CEP120: variants seen among roughly 807,000 people sequenced by gnomAD.
CEP120 encodes centrosomal protein of 120 kDa.
Under a neutral mutation model 126.5 loss-of-function variants are expected in CEP120, and 113 were observed. The observed-to-expected ratio is 0.89, with a 90% CI of 0.77 to 1.04. The LOEUF (loss-of-function observed/expected upper bound fraction) is 1.04, where lower values mean the gene tolerates loss of function less well. Among genes scored for constraint, CEP120 ranks in the 50% least tolerant of loss-of-function variants. The pLI, the probability that CEP120 is intolerant of heterozygous loss-of-function variation, is 0.00. For missense variants in CEP120, 1,230 were observed against 1,155.7 expected (o/e 1.06, Z -0.93); for synonymous variants, 400 against 394.3 (o/e 1.01, Z -0.17).
intron 9 of CEP120, among the ~76,000 whole-genome samples, chr5:123,387,742 C>G (rs913017235): frequency 1.3e-5 from 2 of 151,934 alleles, no homozygotes; most frequent in Non-Finnish European, 2.9e-5. Flanking sequence ...TGCTAACTAC[C>G]CCAAACTAAA....
chr5:123,409,779 G>A (rs529758174), intron 4 of CEP120, among the ~76,000 whole-genome samples: 1 of 152,080 alleles, frequency 6.6e-6, no homozygotes, highest in Admixed American at 6.5e-5. Flanking sequence ...CCAATGTAGT[G>A]AAACCCTCTC....
rs868439424 is a variant in CEP120, at chr5:123,407,735, T to C, written c.463+4664A>G. Among the ~76,000 whole-genome samples the C allele has an allele frequency of 5.9e-4, 90 of 152,284 alleles. 3 individuals are homozygous for C. The highest frequency in any genetic ancestry group is 3.4e-3 in the Middle Eastern group (1 of 294). ...ATCAACTGGATGCAATGGATATCTA[T>C]AGACCACTTCAAACAACAACAGCAG... On this transcript the variant is annotated intron_variant, in intron 4 of 19. Transcript: ENST00000306467.
intron 6 of CEP120, among the ~76,000 whole-genome samples, chr5:123,391,670 AACAAAAAAAAC>A (rs1166723400): frequency 1.3e-5 from 2 of 152,200 alleles, no homozygotes; most frequent in Non-Finnish European, 2.9e-5. Flanking sequence ...CATGAATTTA[AACAAAAAAAAC>A]AAAGAAATAC....
At chr5:123,364,669 A>C in intron 17 of CEP120, 75 bp from the exon 18 acceptor site, 1 of 782,972 alleles carries the variant, frequency 1.3e-6, no homozygotes, top group Non-Finnish European at 2.0e-6. Context: ...ATATATACAA[A>C]GAGTCTGGCT....
chr5:123,399,016 C>A, intron 5 of CEP120, 120 bp downstream of exon 5: 1 of 623,740 alleles, frequency 1.6e-6, no homozygotes, highest in Non-Finnish European at 2.5e-6. Context: ...GTTTTGAACT[C>A]ATTTTTCAAA....
intron 18 of CEP120, among the ~76,000 whole-genome samples, chr5:123,353,904 T>C (rs766036073): frequency 5.3e-5 from 8 of 152,068 alleles, no homozygotes; most frequent in Non-Finnish European, 1.0e-4. Context: ...TTTGGCTTCA[T>C]TGATTTTTCT....
chr5:123,353,689 A>G (rs2126974692), intron 18 of CEP120, among the ~76,000 whole-genome samples: 1 of 151,334 alleles, frequency 6.6e-6, no homozygotes, highest in South Asian at 2.1e-4. Flanking sequence ...GACTATTTCT[A>G]TTTTCTGTTT....
chr5:123,355,971 G>A (rs1236383861), intron 18 of CEP120, among the ~76,000 whole-genome samples: 20 of 151,930 alleles, frequency 1.3e-4, no homozygotes, highest in Admixed American at 4.6e-4. Flanking sequence ...GTAAGGAAGG[G>A]ATCCAGTTTC....
At chr5:123,361,251 T>C (rs912523092) in intron 18 of CEP120, among the ~76,000 whole-genome samples, 14 of 151,862 alleles carry the variant, frequency 9.2e-5, no homozygotes, top group Non-Finnish European at 1.6e-4. Flanking sequence ...CTTTGAGATA[T>C]TTCTCCCTTA....
intron 18 of CEP120, among the ~76,000 whole-genome samples, chr5:123,353,580 C>T (rs1769357337): frequency 6.6e-6 from 1 of 151,034 alleles, no homozygotes; most frequent in South Asian, 2.1e-4. Context: ...TTATTTCTTC[C>T]TAAAATGTTT....
At chr5:123,354,960 A>G (rs1186056042) in intron 18 of CEP120, among the ~76,000 whole-genome samples, 1 of 113,980 alleles carries the variant, frequency 8.8e-6, no homozygotes, top group Non-Finnish European at 1.8e-5. Context: ...AACAGTCCCC[A>G]AAGTGTGATG....
At chr5:123,377,075 C>A (rs1771280904) in intron 16 of CEP120, among the ~76,000 whole-genome samples, 1 of 152,030 alleles carries the variant, frequency 6.6e-6, no homozygotes, top group African/African-American at 2.4e-5. Flanking sequence ...TGGATCTTAA[C>A]TAAATTTGGT....
intron 1 of CEP120, chr5:123,422,464 C>G (rs1234735604): frequency 6.6e-7 from 1 of 1,517,310 alleles, no homozygotes; most frequent in Non-Finnish European, 8.8e-7. Flanking sequence ...ATCCAAAACA[C>G]ACCTTTTAAG....
chr5:123,415,784 A>G (rs2127134921), intron 3 of CEP120, among the ~76,000 whole-genome samples: 1 of 152,050 alleles, frequency 6.6e-6, no homozygotes, highest in South Asian at 2.1e-4. Flanking sequence ...GGCAGGGAGA[A>G]TTGCTTGAAC....
At chr5:123,350,867 T>TGTGG (rs1769155811) in intron 18 of CEP120, among the ~76,000 whole-genome samples, 1 of 152,196 alleles carries the variant, frequency 6.6e-6, no homozygotes, top group Non-Finnish European at 1.5e-5. Context: ...ACATAATGGA[T>TGTGG]ATTCCATGAC....
chr5:123,409,971 C>CAAAA (rs1353891467), intron 4 of CEP120, among the ~76,000 whole-genome samples: 1 of 67,590 alleles, frequency 1.5e-5, no homozygotes, highest in African/African-American at 6.5e-5. Flanking sequence ...ACAAAACAAG[C>CAAAA]AAAAAAAAAA....
chr5:123,388,722 T>A, intron 8 of CEP120, 116 bp from the exon 9 acceptor site: 1 of 751,856 alleles, frequency 1.3e-6, no homozygotes. Context: ...TTGGGCTATT[T>A]TGTCTCATGA....
In CEP120 at chr5:123,389,911, C is replaced by CA. The variant is rs769188569; in HGVS notation, c.1255+12dup. 3 of 1,607,972 alleles carry CA rather than the reference C, an allele frequency of 1.9e-6. No homozygotes were observed. In the Admixed American group the frequency reaches 5.0e-5, roughly 27 times the overall value. ...ACCTCAAAGATCTATAAACAAACAA[C>CA]AAAAAACCTTACCTTTTGGATTTGG... On this transcript the variant is annotated intron_variant, in intron 8 of 19. Coordinates refer to ENST00000306467, the MANE Select transcript of CEP120 (RefSeq NM_001375405.1).
At chr5:123,369,404 G>A (rs1161225974) in intron 17 of CEP120, among the ~76,000 whole-genome samples, 2 of 152,034 alleles carry the variant, frequency 1.3e-5, no homozygotes, top group Non-Finnish European at 2.9e-5. Context: ...GAACCAAGGT[G>A]ATGTGGCTCA....
Sources: gnomAD v4.1 joint callset for allele counts (sites outside exome capture counted in the v4.1 genomes callset) on GRCh38, gnomAD v4.1.1 for gene constraint, MANE v1.5 for transcripts, NCBI Gene and HGNC (gene_info 2026-07-23, HGNC 2026-07-21) for gene names.